The following TGFBR3 variants were observed in gnomAD, a reference collection of about 807,000 sequenced individuals.
TGFBR3 encodes the protein transforming growth factor beta receptor type 3.
Under a neutral mutation model 87.9 loss-of-function variants are expected in TGFBR3, and 46 were observed. The ratio of observed to expected loss-of-function variants is 0.52; its 90% CI spans 0.41 to 0.67. The LOEUF (loss-of-function observed/expected upper bound fraction) is 0.67, where lower values mean the gene tolerates loss of function less well. Among genes scored for constraint, TGFBR3 ranks in the 30% least tolerant of loss-of-function variants. The probability of loss-of-function intolerance (pLI) is 0.00; values close to 1 mark genes in which losing one functional copy is unlikely to be tolerated. For missense variants in TGFBR3, 866 were observed against 1,041.9 expected (o/e 0.83, Z 2.32); for synonymous variants, 381 against 391.6 (o/e 0.97, Z 0.32).
intron 4 of TGFBR3, among the ~76,000 whole-genome samples, chr1:91,752,292 A>C (rs1447079769): frequency 1.3e-5 from 2 of 152,156 alleles, no homozygotes; most frequent in African/African-American, 4.8e-5. Context: ...CTGAAATTCA[A>C]CTTTAATTGG....
intron 10 of TGFBR3, among the ~76,000 whole-genome samples, chr1:91,717,264 C>T (rs1277537136): frequency 6.6e-6 from 1 of 152,174 alleles, no homozygotes; most frequent in East Asian, 1.9e-4. Flanking sequence ...GAGTCAGCAG[C>T]GAAGGACCTA....
chr1:91,743,595 A>G (rs1673230309), intron 4 of TGFBR3, among the ~76,000 whole-genome samples: 1 of 152,172 alleles, frequency 6.6e-6, no homozygotes, highest in African/African-American at 2.4e-5. Context: ...AACTCCTTCC[A>G]CTAGAAGGTT....
At chr1:91,856,091 T>C (rs12063245) in intron 2 of TGFBR3, among the ~76,000 whole-genome samples, 17,482 of 151,930 alleles carry the variant, frequency 0.12, 1,157 homozygotes, top group East Asian at 0.32. Flanking sequence ...GAGACGGAGT[T>C]TGGCTCTGTC....
Position 91,765,690 on chromosome 1 carries a change from G to A in TGFBR3, c.247-6940C>T, listed in dbSNP as rs577369063. On this transcript the variant is annotated intron_variant, in intron 3 of 16. Coordinates refer to ENST00000212355, the MANE Select transcript of TGFBR3 (RefSeq NM_003243.5). Reference sequence around the variant, plus strand: ...TTACGCAAATAAAAACACATAAAATGTAAAAAACCTTTGGAGCGTGTTTTC... The same window carrying A: ...TTACGCAAATAAAAACACATAAAATATAAAAAACCTTTGGAGCGTGTTTTC... 4.3e-4 allele frequency among the ~76,000 whole-genome samples: 65 copies of A among 152,292 alleles called. 1 individual carries two copies. The highest frequency in any genetic ancestry group is 1.5e-3 in the African/African-American group (64 of 41,564).
At chr1:91,748,654 T>C (rs536590104) in intron 4 of TGFBR3, among the ~76,000 whole-genome samples, 153 of 152,208 alleles carry the variant, frequency 1.0e-3, no homozygotes, top group Non-Finnish European at 1.7e-3. Flanking sequence ...AGAGATAAAA[T>C]CATAGTCATG....
At position 91,903,521 on chromosome 1, in the gene TGFBR3, T is replaced by C. The variant is rs376706016; in HGVS notation, c.-175+2305A>G. Among the ~76,000 whole-genome samples, 5 of 151,748 alleles carry C rather than the reference T, an allele frequency of 3.3e-5. No homozygotes were observed. In the East Asian group the frequency reaches 5.8e-4, roughly 18 times the overall value. ...GCACTGGGAAGTCAAAGTGGGAGGA[T>C]TGCTTGAGCCCAGAAGTTCAAGACC... is the stretch of plus-strand genomic sequence containing the variant. On this transcript the variant is annotated intron_variant, in intron 1 of 17. Transcript: ENST00000370399.
intron 16 of TGFBR3, among the ~76,000 whole-genome samples, chr1:91,690,969 A>G (rs1196500102): frequency 6.6e-6 from 1 of 152,152 alleles, no homozygotes; most frequent in East Asian, 1.9e-4. Context: ...TACTGCACCC[A>G]TGAAACAAGA....
intron 2 of TGFBR3, among the ~76,000 whole-genome samples, chr1:91,891,267 C>G (rs1571609220): frequency 6.6e-6 from 1 of 150,944 alleles, no homozygotes; most frequent in Admixed American, 6.6e-5. Context: ...CTTGGGAGGC[C>G]GAGGTGAATC....
At chr1:91,738,501 G>GCA (rs1673041752) in intron 4 of TGFBR3, among the ~76,000 whole-genome samples, 1 of 152,086 alleles carries the variant, frequency 6.6e-6, no homozygotes, top group African/African-American at 2.4e-5. Context: ...AAAGTGTGTG[G>GCA]CACCTCCCCC....
intron 14 of TGFBR3, among the ~76,000 whole-genome samples, chr1:91,700,415 G>A (rs1671580127): frequency 6.6e-6 from 1 of 152,176 alleles, no homozygotes; most frequent in African/African-American, 2.4e-5. Flanking sequence ...AAAGAAAACA[G>A]AATTGTAAAT....
chr1:91,813,890 A>G (rs1676111014), intron 2 of TGFBR3, among the ~76,000 whole-genome samples: 1 of 152,212 alleles, frequency 6.6e-6, no homozygotes, highest in South Asian at 2.1e-4. Flanking sequence ...GATTCTCATA[A>G]GGAGCAGGCA....
rs138396794 is a variant in TGFBR3, at chr1:91,719,409, T to G, written c.1469A>C (p.Lys490Thr). 1 of 1,614,056 alleles carries G rather than the reference T, an allele frequency of 6.2e-7. No homozygotes were observed. Among genetic ancestry groups the G allele is most frequent in the Non-Finnish European group, 8.5e-7 (1 of 1,180,028 alleles). ...CAAAACAAAGTGTGTGCCATTCATC[T>G]TGGCCTTGCAGGTAGGATCCAACAG... Reference protein sequence around the residue: ...VTLLDPTCKAKMNGTHFVLES... With the variant: ...VTLLDPTCKATMNGTHFVLES... The change falls in exon 10 of 17, where the codon AAG becomes ACG. Residue 490 changes from lysine (K) to threonine (T), a missense_variant. By Grantham distance (78) the Lys-to-Thr change is moderately conservative (BLOSUM62 -1). Transcript: ENST00000212355.
chr1:91,802,506 G>A lies in TGFBR3; in HGVS notation c.62-5035C>T, dbSNP rs566772483. 5.3e-5 allele frequency among the ~76,000 whole-genome samples: 8 copies of A among 151,876 alleles called. No homozygotes were observed. In the East Asian group the frequency reaches 5.8e-4, roughly 11 times the overall value. The stretch of plus-strand genomic sequence containing the variant: ...CTCCCAGGTAGCTAGGATTACAGGC[G>A]CCCGCCATCACACCCAGCTAATTTT... On this transcript the variant is annotated intron_variant, in intron 2 of 16. Coordinates refer to ENST00000212355, the MANE Select transcript of TGFBR3 (RefSeq NM_003243.5).
intron 1 of TGFBR3, among the ~76,000 whole-genome samples, chr1:91,884,413 C>T (rs1679213699): frequency 6.6e-6 from 1 of 151,996 alleles, no homozygotes; most frequent in African/African-American, 2.4e-5. Context: ...TAATTGGGCA[C>T]CCTCATAAGT....
At chr1:91,713,775 T>C (rs1244995274) in intron 12 of TGFBR3, among the ~76,000 whole-genome samples, 2 of 152,160 alleles carry the variant, frequency 1.3e-5, no homozygotes, top group Non-Finnish European at 2.9e-5. Context: ...ATTTTTGCAA[T>C]ACTTCTGAAA....
At chr1:91,743,987 C>G (rs1673245124) in intron 4 of TGFBR3, among the ~76,000 whole-genome samples, 1 of 152,130 alleles carries the variant, frequency 6.6e-6, no homozygotes, top group Admixed American at 6.5e-5. Context: ...CAAGAAAAAT[C>G]CCTATCTCAT....
At chr1:91,853,221 C>T (rs923296716) in intron 2 of TGFBR3, among the ~76,000 whole-genome samples, 2 of 131,206 alleles carry the variant, frequency 1.5e-5, no homozygotes, top group Non-Finnish European at 3.2e-5. Context: ...TAATCACAGA[C>T]CAAATCAACT....
rs1468550843 is a variant in TGFBR3, at chr1:91,699,380, A to G, written c.2288-1250T>C. On this transcript the variant is annotated intron_variant, in intron 14 of 16. Coordinates refer to ENST00000212355, the MANE Select transcript of TGFBR3 (RefSeq NM_003243.5). ...GCTCATTCCATCCCTCCTCTGTTACACTTGGGCCACAATACCTCCTAGTTC... is the reference window on the plus strand; with the variant it reads ...GCTCATTCCATCCCTCCTCTGTTACGCTTGGGCCACAATACCTCCTAGTTC... 2.3e-5 allele frequency among the ~76,000 whole-genome samples: 3 copies of G among 131,452 alleles called. No homozygotes were observed. The Admixed American group carries it at 2.4e-4, about 10-fold the overall frequency. The allele number at this position is 131,452 out of a possible 152,430, so 86.2% of individuals were successfully genotyped here.
intron 3 of TGFBR3, among the ~76,000 whole-genome samples, chr1:91,796,804 T>C (rs1675399325): frequency 6.6e-6 from 1 of 152,096 alleles, no homozygotes; most frequent in African/African-American, 2.4e-5. Flanking sequence ...CCAGCCTCGA[T>C]TTCCCAGGCT....
Sources: gnomAD v4.1 joint callset for allele counts (sites outside exome capture counted in the v4.1 genomes callset) on GRCh38, gnomAD v4.1.1 for gene constraint, MANE v1.5 for transcripts, NCBI Gene and HGNC (gene_info 2026-07-23, HGNC 2026-07-21) for gene names.